The following TBCE variants were observed in gnomAD, a reference collection of about 807,000 sequenced individuals.
TBCE encodes tubulin folding cofactor E.
In TBCE, 53 loss-of-function variants were observed where a neutral mutation model predicts 77.0. The ratio of observed to expected loss-of-function variants is 0.69; its 90% CI spans 0.55 to 0.87. The LOEUF (loss-of-function observed/expected upper bound fraction) is 0.87, where lower values mean the gene tolerates loss of function less well. Among genes scored for constraint, TBCE ranks in the 40% least tolerant of loss-of-function variants. The probability of loss-of-function intolerance (pLI) is 0.00; values close to 1 mark genes in which losing one functional copy is unlikely to be tolerated. For missense variants in TBCE, 624 were observed against 622.4 expected (o/e 1.00, Z -0.03); for synonymous variants, 235 against 241.3 (o/e 0.97, Z 0.24).
chr1:235,400,201 C>T (rs770478384), intron 2 of TBCE, among the ~76,000 whole-genome samples: 3 of 151,842 alleles, frequency 2.0e-5, no homozygotes, highest in South Asian at 2.1e-4. Flanking sequence ...ACATTTTAAC[C>T]GATGTTTATT....
At chr1:235,397,302 C>T (rs1424916107) in intron 2 of TBCE, among the ~76,000 whole-genome samples, 1 of 151,226 alleles carries the variant, frequency 6.6e-6, no homozygotes, top group East Asian at 1.9e-4. Flanking sequence ...CCTGGGTTCA[C>T]GCCATTCTCC....
intron 5 of TBCE, among the ~76,000 whole-genome samples, chr1:235,424,508 T>G (rs528980197): frequency 1.3e-4 from 19 of 151,526 alleles, no homozygotes; most frequent in South Asian, 1.0e-3. Context: ...TTTTGTTTTT[T>G]TTTTTTCTTT....
At chr1:235,413,662 C>CAA (rs536953879) in intron 3 of TBCE, among the ~76,000 whole-genome samples, 9 of 124,696 alleles carry the variant, frequency 7.2e-5, no homozygotes, top group South Asian at 2.6e-4. Context: ...GATTCTGTCT[C>CAA]AAAAAAAAAA....
At chr1:235,376,127 G>A (rs146666176) in intron 1 of TBCE, among the ~76,000 whole-genome samples, 2 of 152,194 alleles carry the variant, frequency 1.3e-5, no homozygotes, top group Non-Finnish European at 1.5e-5. Flanking sequence ...GATCTCATTG[G>A]TCATGTCTGT....
At chr1:235,372,842 T>C in intron 1 of TBCE, among the ~76,000 whole-genome samples, 1 of 144,290 alleles carries the variant, frequency 6.9e-6, no homozygotes, top group East Asian at 2.0e-4. Flanking sequence ...GAGAATGGCG[T>C]GAACCCGGGA....
At position 235,437,359 on chromosome 1, in the gene TBCE, T is replaced by C. The variant is rs1237626124; in HGVS notation, c.1001T>C (p.Leu334Pro). Reference sequence around the variant, plus strand: ...AATGAGCTAGAGAAGTTACCAAGTCTACGGGCTTTGTCCTGCCTAAGAAAC... The same window carrying C: ...AATGAGCTAGAGAAGTTACCAAGTCCACGGGCTTTGTCCTGCCTAAGAAAC... ...FFNELEKLPSLRALSCLRNPL... is the reference protein window; with the variant it reads ...FFNELEKLPSPRALSCLRNPL... The change falls in exon 12 of 17, where the codon CTA (leucine) becomes CCA (proline). Residue 334 changes from leucine (L) to proline (P), a missense_variant. Physicochemically the swap from Leu to Pro is moderately conservative, Grantham distance 98. Transcript: ENST00000642610. 6.2e-7 allele frequency: 1 copy of C among 1,614,130 alleles called. No homozygotes were observed. The highest frequency in any genetic ancestry group is 1.1e-5 in the South Asian group (1 of 91,080).
Position 235,434,243 on chromosome 1 carries a change from C to T in TBCE, c.700C>T (p.Leu234Phe). ...CGCGGGGTGCCCAGGCCTGGAGGAA[C>T]TCTACCTTGAGTCTAACAACATTTT... ...CVAGCPGLEE[L>F]YLESNNIFIS... Residue 234 changes from leucine (L) to phenylalanine (F), a missense_variant, in exon 8 of 17, where the codon CTC (leucine) becomes TTC (phenylalanine). Leu to Phe is a conservative substitution (Grantham distance 22). Coordinates refer to ENST00000642610, the MANE Select transcript of TBCE (RefSeq NM_003193.5). 2 of 1,614,184 alleles carry T rather than the reference C, an allele frequency of 1.2e-6. No individual in the cohort carries two copies. Among genetic ancestry groups the T allele is most frequent in the Non-Finnish European group, 8.5e-7 (1 of 1,180,024 alleles).
intron 2 of TBCE, among the ~76,000 whole-genome samples, chr1:235,382,902 C>T (rs1454791107): frequency 1.3e-5 from 2 of 151,160 alleles, no homozygotes; most frequent in Admixed American, 6.6e-5. Flanking sequence ...TGCCTATGTC[C>T]TGAATGGTAT....
At chr1:235,401,369 C>T in intron 2 of TBCE, 134 bp from the exon 3 acceptor site, 2 of 745,092 alleles carry the variant, frequency 2.7e-6, no homozygotes, top group African/African-American at 1.7e-5. Flanking sequence ...ATAAGGCTAA[C>T]TTGTCCATTC....
chr1:235,369,372 T>A (rs184119297), intron 1 of TBCE, among the ~76,000 whole-genome samples: 3 of 151,328 alleles, frequency 2.0e-5, no homozygotes, highest in African/African-American at 7.3e-5. Flanking sequence ...CCGGGCGTGG[T>A]GGTGCGTGCC....
intron 15 of TBCE, among the ~76,000 whole-genome samples, chr1:235,446,407 C>A (rs1449717539): frequency 6.6e-6 from 1 of 151,892 alleles, no homozygotes; most frequent in South Asian, 2.1e-4. Context: ...AAACTCCTGA[C>A]CTCAGATGAT....
rs1680288770 is a variant in TBCE, at chr1:235,419,657, A to G, written c.460+96A>G. On this transcript the variant is annotated intron_variant, in intron 5 of 16. Coordinates refer to ENST00000642610, the MANE Select transcript of TBCE (RefSeq NM_003193.5). The stretch of plus-strand genomic sequence containing the variant: ...ATTGCCTACCCATTGTCCAGTCTTG[A>G]CAACTTCCTTCCTAATGCAGTTCAG... 5 of 1,531,878 alleles carry G rather than the reference A, an allele frequency of 3.3e-6. No homozygotes were observed. The Admixed American group carries it at 7.3e-5, about 22-fold the overall frequency. 94.9% of individuals were successfully genotyped at this position (1,531,878 alleles called of 1,614,324 possible).
intron 1 of TBCE, among the ~76,000 whole-genome samples, chr1:235,369,849 C>G (rs937059583): frequency 6.7e-6 from 1 of 149,928 alleles, no homozygotes; most frequent in Non-Finnish European, 1.5e-5. Context: ...AAAAAAAAAG[C>G]CGAAGTCTTC....
At chr1:235,371,934 G>C (rs535175607) in intron 1 of TBCE, among the ~76,000 whole-genome samples, 1 of 151,222 alleles carries the variant, frequency 6.6e-6, no homozygotes, top group Non-Finnish European at 1.5e-5. Flanking sequence ...TTGGCCTCCC[G>C]AAGTGCTGGG....
chr1:235,437,934 T>G (rs1681571318), intron 12 of TBCE, among the ~76,000 whole-genome samples: 1 of 152,182 alleles, frequency 6.6e-6, no homozygotes, highest in South Asian at 2.1e-4. Context: ...ATAATAGTGG[T>G]TCTTTTCCAG....
chr1:235,398,654 C>T, intron 2 of TBCE, among the ~76,000 whole-genome samples: 1 of 146,720 alleles, frequency 6.8e-6, no homozygotes. Flanking sequence ...GGTCTTACTC[C>T]ATTGCTCAGG....
intron 5 of TBCE, among the ~76,000 whole-genome samples, chr1:235,421,641 G>A (rs942587305): frequency 5.9e-5 from 9 of 152,024 alleles, no homozygotes; most frequent in African/African-American, 1.9e-4. Flanking sequence ...CCCGGGAGGC[G>A]GAGGTTGCAG....
At chr1:235,388,312 G>A (rs1337696146) in intron 2 of TBCE, among the ~76,000 whole-genome samples, 4 of 137,662 alleles carry the variant, frequency 2.9e-5, no homozygotes, top group Non-Finnish European at 4.6e-5. Context: ...TTTTGAGATG[G>A]AGTCTCACTT....
intron 6 of TBCE, chr1:235,430,433 T>C (rs1030191606): frequency 4.5e-5 from 15 of 336,948 alleles, no homozygotes; most frequent in African/African-American, 3.0e-4. Context: ...GTTTTGGGTT[T>C]AGGAAGCCTA....
Sources: allele counts gnomAD v4.1 joint callset (sites outside exome capture counted in the v4.1 genomes callset), GRCh38; gene constraint gnomAD v4.1.1; transcripts MANE v1.5; gene names NCBI Gene and HGNC (gene_info 2026-07-23, HGNC 2026-07-21).